ABI3BP: variants seen among roughly 807,000 people sequenced by gnomAD.
ABI3BP encodes ABI family member 3 binding protein, also known as target of Nesh-SH3.
A neutral mutation model predicts 268.6 loss-of-function variants in ABI3BP; 216 were observed. The observed-to-expected ratio is 0.80, with a 90% CI of 0.72 to 0.90. The LOEUF (loss-of-function observed/expected upper bound fraction) is 0.90, where lower values mean the gene tolerates loss of function less well. ABI3BP is among the 40% of genes least tolerant of loss of function. The probability of loss-of-function intolerance (pLI) is 0.00; values close to 1 mark genes in which losing one functional copy is unlikely to be tolerated. For missense variants in ABI3BP, 2,090 were observed against 2,182.4 expected (o/e 0.96, Z 0.84); for synonymous variants, 730 against 730.0 (o/e 1.00, Z 0.00).
At chr3:100,757,092 G>A (rs540686430) in intron 63 of ABI3BP, among the ~76,000 whole-genome samples, 2 of 151,790 alleles carry the variant, frequency 1.3e-5, no homozygotes, top group Admixed American at 6.6e-5. Context: ...ATAAAGTTGA[G>A]GACATTTCAC....
intron 27 of ABI3BP, 53 bp downstream of exon 27, chr3:100,837,071 G>C (rs2098604669): frequency 6.9e-7 from 1 of 1,439,212 alleles, no homozygotes; most frequent in Non-Finnish European, 9.3e-7. Flanking sequence ...AAAAAGAGAT[G>C]AGAGGCGCAA....
At chr3:100,899,174 G>C (rs1279374024) in intron 3 of ABI3BP, among the ~76,000 whole-genome samples, 1 of 152,132 alleles carries the variant, frequency 6.6e-6, no homozygotes, top group Non-Finnish European at 1.5e-5. Context: ...ACAATATCCA[G>C]CTATACCTAG....
At chr3:100,790,854 T>C (rs1048595414) in intron 55 of ABI3BP, among the ~76,000 whole-genome samples, 1 of 151,998 alleles carries the variant, frequency 6.6e-6, no homozygotes, top group Non-Finnish European at 1.5e-5. Flanking sequence ...AGAATATGTA[T>C]AAATTTTAAG....
intron 1 of ABI3BP, among the ~76,000 whole-genome samples, chr3:100,937,577 A>G (rs2066756730): frequency 6.6e-6 from 1 of 152,056 alleles, no homozygotes; most frequent in Admixed American, 6.6e-5. Context: ...CCTCATCTCC[A>G]TAACCACCCT....
intron 1 of ABI3BP, among the ~76,000 whole-genome samples, chr3:100,947,754 G>C (rs186328348): frequency 6.6e-6 from 1 of 152,134 alleles, no homozygotes; most frequent in African/African-American, 2.4e-5. Context: ...ATAGTAAACT[G>C]TTAGGTAGCA....
intron 46 of ABI3BP, among the ~76,000 whole-genome samples, chr3:100,812,086 A>ATT (rs112051955): frequency 3.3e-5 from 5 of 149,906 alleles, no homozygotes; most frequent in Non-Finnish European, 7.4e-5. Context: ...TTCCATTTTC[A>ATT]TTTTTTTTTT....
chr3:100,876,168 T>A (rs973678431), intron 7 of ABI3BP, among the ~76,000 whole-genome samples: 2 of 152,232 alleles, frequency 1.3e-5, no homozygotes, highest in African/African-American at 4.8e-5. Context: ...ATATCTTTAC[T>A]TTCCTTAAAG....
rs755416698 is a variant in ABI3BP at position 100,850,137 on chromosome 3, C to G, written c.1427-18G>C. 1.9e-6 allele frequency: 3 copies of G among 1,597,236 alleles called. No homozygotes were observed. The highest frequency in any genetic ancestry group is 2.6e-6 in the Non-Finnish European group (3 of 1,170,960). ...ACTTGGAGCTGAAAGCACAAACACC[C>G]CAACCCATCAAATAATCCCAGTTAA... On this transcript the variant is annotated intron_variant, in intron 16 of 67. Coordinates refer to ENST00000471714, the MANE Select transcript of ABI3BP (RefSeq NM_001375547.2).
chr3:100,931,590 A>T (rs557070544), intron 1 of ABI3BP, among the ~76,000 whole-genome samples: 2 of 152,048 alleles, frequency 1.3e-5, no homozygotes, highest in South Asian at 2.1e-4. Flanking sequence ...TCAAGAATAC[A>T]ATACCATTCA....
intron 1 of ABI3BP, among the ~76,000 whole-genome samples, chr3:100,939,658 A>C (rs2067961710): frequency 6.6e-6 from 1 of 152,148 alleles, no homozygotes; most frequent in African/African-American, 2.4e-5. Flanking sequence ...AGGCAGGGCA[A>C]GATCACAGAA....
At chr3:100,913,978 T>A (rs567907477) in intron 2 of ABI3BP, among the ~76,000 whole-genome samples, 2 of 152,214 alleles carry the variant, frequency 1.3e-5, no homozygotes, top group East Asian at 1.9e-4. Context: ...ACCCCTTTAA[T>A]GCCTGGGGCT....
chr3:100,911,586 A>G, intron 2 of ABI3BP: 1 of 666,642 alleles, frequency 1.5e-6, no homozygotes, highest in Non-Finnish European at 2.7e-6. Flanking sequence ...ATCTTCTTCA[A>G]AAAATTTAGA....
At chr3:100,820,398 A>C in intron 39 of ABI3BP, 95 bp from the exon 40 acceptor site, 1 of 911,732 alleles carries the variant, frequency 1.1e-6, no homozygotes, top group Non-Finnish European at 1.6e-6. Context: ...AACTTACTAG[A>C]TTTTCTCATA....
chr3:100,781,248 G>A lies in ABI3BP; in HGVS notation c.4163-1039C>T, dbSNP rs193290828. Among the ~76,000 whole-genome samples, 339 of 152,130 alleles carry A rather than the reference G, an allele frequency of 2.2e-3. 3 individuals are homozygous for A. The highest frequency in any genetic ancestry group is 7.8e-3 in the African/African-American group (322 of 41,468). On this transcript the variant is annotated intron_variant, in intron 57 of 67. Coordinates refer to ENST00000471714, the MANE Select transcript of ABI3BP (RefSeq NM_001375547.2). The stretch of plus-strand genomic sequence containing the variant: ...TATACTTGATCTCATTTAATGTGTG[G>A]GCAGATATATTAAATATACAACAGA...
chr3:100,815,870 T>G, intron 44 of ABI3BP, 42 bp downstream of exon 44: 1 of 1,457,096 alleles, frequency 6.9e-7, no homozygotes, highest in Non-Finnish European at 9.1e-7. Flanking sequence ...CGTTTTTAAA[T>G]GGCAATAAAA....
At chr3:100,969,471 T>C (rs1236423418) in intron 1 of ABI3BP, among the ~76,000 whole-genome samples, 1 of 152,148 alleles carries the variant, frequency 6.6e-6, no homozygotes, top group African/African-American at 2.4e-5. Context: ...GCCCAATAAA[T>C]GTGGCCAGCA....
Position 100,926,455 on chromosome 3 carries a change from T to C in ABI3BP, c.106A>G (p.Ile36Val). Residue 36 changes from isoleucine to valine, a missense_variant, in exon 2 of 68, where the codon ATC becomes GTC. By Grantham distance (29) the Ile-to-Val change is conservative. Transcript: ENST00000471714. Reference sequence around the variant, plus strand: ...AGGATGGAGTCACTTGTGGTATTGATGTGGACTTTGAGGTTTGGCCTTTTA... The same window carrying C: ...AGGATGGAGTCACTTGTGGTATTGACGTGGACTTTGAGGTTTGGCCTTTTA... ...KGKRPNLKVH[I>V]NTTSDSILLK... 4 of 1,613,348 alleles carry C rather than the reference T, an allele frequency of 2.5e-6. No individual in the cohort carries two copies. The highest frequency in any genetic ancestry group is 8.5e-7 in the Non-Finnish European group (1 of 1,179,520).
chr3:100,833,146 T>A lies in ABI3BP; in HGVS notation c.2293A>T (p.Ile765Phe). The A allele has an allele frequency of 6.5e-7, 1 of 1,534,838 alleles. No homozygotes were observed. Among genetic ancestry groups the A allele is most frequent in the Non-Finnish European group, 8.7e-7 (1 of 1,146,054 alleles). Residue 765 changes from isoleucine (I) to phenylalanine (F), a missense_variant, in exon 30 of 68, where the codon ATT becomes TTT. By Grantham distance (21) the Ile-to-Phe change is conservative (BLOSUM62 0). Transcript: ENST00000471714. ...TTACCTGAAGATGTCCCAGGAGTAATAGGTCCAAAGTCTGTAGCAAGAAAT... is the reference window on the plus strand; with the variant it reads ...TTACCTGAAGATGTCCCAGGAGTAAAAGGTCCAAAGTCTGTAGCAAGAAAT... Reference protein sequence around the residue: ...TLQTKLDFGPITPGTSSAPTT... With the variant: ...TLQTKLDFGPFTPGTSSAPTT...
At chr3:100,833,237 A>G (rs1056858499) in intron 29 of ABI3BP, 80 bp from the exon 30 acceptor site, 1 of 1,344,542 alleles carries the variant, frequency 7.4e-7, no homozygotes, top group Non-Finnish European at 1.0e-6. Context: ...TTCTCTTGAA[A>G]AGTGAACTTT....
Sources: allele counts gnomAD v4.1 joint callset (sites outside exome capture counted in the v4.1 genomes callset), GRCh38; gene constraint gnomAD v4.1.1; transcripts MANE v1.5; gene names NCBI Gene and HGNC (gene_info 2026-07-23, HGNC 2026-07-21).